Variants in BRAF observed in about 807,000 individuals in gnomAD.
BRAF encodes serine/threonine-protein kinase B-raf.
In BRAF, 16 loss-of-function variants were observed where a neutral mutation model predicts 104.6. The ratio of observed to expected loss-of-function variants is 0.15; its 90% CI spans 0.10 to 0.23. BRAF has a LOEUF of 0.23. Ranked by LOEUF, BRAF falls within the 10% of genes least tolerant of loss-of-function variation. The probability of loss-of-function intolerance (pLI) is 1.00; values close to 1 mark genes in which losing one functional copy is unlikely to be tolerated. For missense variants in BRAF, 541 were observed against 937.3 expected, an observed-to-expected ratio of 0.58 and a Z score of 5.52; for synonymous variants, 310 against 341.6, an observed-to-expected ratio of 0.91 and a Z score of 1.02.
At chr7:140,828,102 G>C (rs1363769297) in intron 3 of BRAF, among the ~76,000 whole-genome samples, 1 of 151,936 alleles carries the variant, frequency 6.6e-6, no homozygotes, top group East Asian at 1.9e-4. Flanking sequence ...CACCATGTTG[G>C]CCAGGCTGGT....
intron 3 of BRAF, among the ~76,000 whole-genome samples, chr7:140,826,280 G>C (rs1183429037): frequency 6.6e-6 from 1 of 152,054 alleles, no homozygotes; most frequent in African/African-American, 2.4e-5. Flanking sequence ...GTATCAGTAT[G>C]TTCACTCTTT....
chr7:140,774,851 A>C (rs1342823675), intron 14 of BRAF, among the ~76,000 whole-genome samples: 1 of 152,210 alleles, frequency 6.6e-6, no homozygotes. Flanking sequence ...AGGATTTGGC[A>C]TCTCTTTCTT....
rs1801028274 is a variant in BRAF, at chr7:140,783,033, G to A, written c.1422C>T (p.Asp474=). Residue 474 remains aspartate, a synonymous_variant, in exon 11 of 20, where the codon GAC becomes GAT. Coordinates refer to ENST00000644969, the MANE Select transcript of BRAF (RefSeq NM_001374258.1). ...CATATACTCTTACCATTCGATTCCTGTCTTCTGAGGATGAAGATGACTTCC... is the reference window on the plus strand; with the variant it reads ...CATATACTCTTACCATTCGATTCCTATCTTCTGAGGATGAAGATGACTTCC... The part of the protein sequence containing the change: ...RERKSSSSSE[D]RNRMKTLGRR... 1.2e-6 allele frequency: 2 copies of A among 1,613,648 alleles called. No individual in the cohort carries two copies. The highest frequency in any genetic ancestry group is 1.7e-6 in the Non-Finnish European group (2 of 1,179,892).
chr7:140,839,137 A>G (rs1006585886), intron 2 of BRAF, among the ~76,000 whole-genome samples: 5 of 152,166 alleles, frequency 3.3e-5, no homozygotes, highest in African/African-American at 1.2e-4. Flanking sequence ...ATCCACACAC[A>G]GAAGAATGAA....
Position 140,924,729 on chromosome 7 carries a change from G to C in BRAF, c.-26C>G. 2.4e-6 allele frequency: 2 copies of C among 827,440 alleles called. No homozygotes were observed. Among genetic ancestry groups the C allele is most frequent in the Non-Finnish European group, 3.8e-6 (2 of 526,100 alleles). 51.3% of individuals were successfully genotyped at this position (827,440 alleles called of 1,614,324 possible). On this transcript the variant is annotated 5_prime_UTR_variant, in exon 1 of 20. Transcript: ENST00000644969. This position sits in a 1 kb window ranked among gnomAD's most constrained non-coding sequence, Gnocchi z 4.2. ...CTTATAACCGAGAGCCGGGGCCCGA[G>C]CGGCCGCTGTCGGGCGGGGAGGGGG...
At chr7:140,787,128 C>T (rs543377424) in intron 9 of BRAF, among the ~76,000 whole-genome samples, 30 of 148,210 alleles carry the variant, frequency 2.0e-4, no homozygotes, top group East Asian at 5.9e-4. Flanking sequence ...GGTGAAACCC[C>T]GTCTCTACTA....
intron 7 of BRAF, 118 bp downstream of exon 7, chr7:140,800,244 T>C: frequency 6.7e-7 from 1 of 1,490,646 alleles, no homozygotes; most frequent in Non-Finnish European, 9.3e-7. Flanking sequence ...ATAAGTTATT[T>C]GGGGAAAAAG....
intron 9 of BRAF, among the ~76,000 whole-genome samples, chr7:140,786,866 A>G (rs1801412796): frequency 6.6e-6 from 1 of 152,232 alleles, no homozygotes; most frequent in African/African-American, 2.4e-5. Context: ...GATGGTTAGA[A>G]ATTAATAAAG....
intron 1 of BRAF, among the ~76,000 whole-genome samples, chr7:140,889,342 A>G (rs536167246): frequency 1.3e-5 from 2 of 152,360 alleles, no homozygotes; most frequent in East Asian, 1.9e-4. Context: ...AACTTGAAAC[A>G]TCAGCAAAAA....
At chr7:140,900,803 G>T (rs941986592) in intron 1 of BRAF, among the ~76,000 whole-genome samples, 3 of 152,138 alleles carry the variant, frequency 2.0e-5, no homozygotes, top group Non-Finnish European at 2.9e-5. Context: ...TAGAGACGGG[G>T]TTTCACCATG....
intron 2 of BRAF, among the ~76,000 whole-genome samples, chr7:140,838,201 T>C (rs1807554015): frequency 6.6e-6 from 1 of 152,230 alleles, no homozygotes; most frequent in Admixed American, 6.5e-5. Flanking sequence ...TTCTAAGCTC[T>C]CTTTGTCAAA....
intron 3 of BRAF, among the ~76,000 whole-genome samples, chr7:140,814,905 A>G (rs1804701348): frequency 6.7e-6 from 1 of 149,952 alleles, no homozygotes; most frequent in Admixed American, 6.7e-5. Context: ...TGGTCATCAA[A>G]ATTGTTATAT....
At chr7:140,830,385 C>T (rs537658133) in intron 3 of BRAF, among the ~76,000 whole-genome samples, 96 of 152,246 alleles carry the variant, frequency 6.3e-4, no homozygotes, top group African/African-American at 2.3e-3. Flanking sequence ...GGTCTTCAAC[C>T]CTTTGGCCTC....
Position 140,721,681 on chromosome 7 carries a change from A to C in BRAF, c.*4813T>G. On this transcript the variant is annotated 3_prime_UTR_variant, in exon 20 of 20. Transcript: ENST00000644969. ...AACTACCGATGGGCATCAGTAATCCATCCCAGTATAACATTTCAAGGATGT... is the reference window on the plus strand; with the variant it reads ...AACTACCGATGGGCATCAGTAATCCCTCCCAGTATAACATTTCAAGGATGT... 1 of 1,534,576 alleles carries C rather than the reference A, an allele frequency of 6.5e-7. No individual in the cohort carries two copies. The highest frequency in any genetic ancestry group is 8.7e-7 in the Non-Finnish European group (1 of 1,146,174).
Position 140,801,412 on chromosome 7 carries a change from T to TCAA in BRAF, c.857_859dup (p.Leu286_Asp287insVal). The TCAA allele has an allele frequency of 6.2e-7, 1 of 1,613,788 alleles. No homozygotes were observed. The highest frequency in any genetic ancestry group is 8.5e-7 in the Non-Finnish European group (1 of 1,179,750). On this transcript the variant is annotated inframe_insertion and splice_region_variant, in exon 6 of 20. Coordinates refer to ENST00000644969, the MANE Select transcript of BRAF (RefSeq NM_001374258.1). ...AAAGAGATATTTTTGGATTACTTAC[T>TCAA]CAAGTTGGTCATAATTAACACACAT...
intron 17 of BRAF, among the ~76,000 whole-genome samples, chr7:140,746,374 G>A (rs532269723): frequency 6.6e-6 from 1 of 152,046 alleles, no homozygotes; most frequent in African/African-American, 2.4e-5. Context: ...TAAAGAGAGT[G>A]GGGGGATGAC....
intron 17 of BRAF, among the ~76,000 whole-genome samples, chr7:140,748,214 G>C (rs1585993817): frequency 6.6e-6 from 1 of 152,268 alleles, no homozygotes; most frequent in South Asian, 2.1e-4. Flanking sequence ...CAAAAAGATA[G>C]AGCTGAGCTC....
intron 1 of BRAF, among the ~76,000 whole-genome samples, chr7:140,899,727 T>A (rs1054189954): frequency 2.0e-5 from 3 of 152,206 alleles, no homozygotes; most frequent in South Asian, 2.1e-4. Context: ...AGGAATTTTT[T>A]ATGTATATTT....
rs1304986739 is a variant in BRAF, at chr7:140,874,841, C to T, written c.139-24629G>A. Reference sequence around the variant, plus strand: ...GAAAATTGGATCATGGAAGCGGTTTCCCATGGCTTAACACCATCCCCCTTA... The same window carrying T: ...GAAAATTGGATCATGGAAGCGGTTTTCCATGGCTTAACACCATCCCCCTTA... On this transcript the variant is annotated intron_variant, in intron 1 of 19. Transcript: ENST00000644969. Among the ~76,000 whole-genome samples the T allele has an allele frequency of 2.6e-5, 4 of 152,132 alleles. No individual in the cohort carries two copies. In the East Asian group the frequency reaches 7.7e-4, roughly 29 times the overall value.
Sources: allele counts gnomAD v4.1 joint callset (sites outside exome capture counted in the v4.1 genomes callset), GRCh38; gene constraint gnomAD v4.1.1; non-coding constraint Gnocchi (gnomAD v3.1); transcripts MANE v1.5; gene names NCBI Gene and HGNC (gene_info 2026-07-23, HGNC 2026-07-21).